PTPRN2: variants seen among roughly 807,000 people sequenced by gnomAD.
PTPRN2 encodes protein tyrosine phosphatase receptor type N2, also known as receptor-type tyrosine-protein phosphatase N2.
Under a neutral mutation model 118.8 loss-of-function variants are expected in PTPRN2, and 74 were observed. The ratio of observed to expected loss-of-function variants is 0.62; its 90% CI spans 0.52 to 0.76. The LOEUF (loss-of-function observed/expected upper bound fraction) is 0.76, where lower values mean the gene tolerates loss of function less well. Ranked by LOEUF, PTPRN2 falls within the 30% of genes least tolerant of loss-of-function variation. The probability of loss-of-function intolerance (pLI) is 0.00; values close to 1 mark genes in which losing one functional copy is unlikely to be tolerated. For missense variants in PTPRN2, 1,481 were observed against 1,394.4 expected, an observed-to-expected ratio of 1.06 and a Z score of -0.99; for synonymous variants, 641 against 608.0, an observed-to-expected ratio of 1.05 and a Z score of -0.80.
intron 16 of PTPRN2, among the ~76,000 whole-genome samples, chr7:157,601,908 T>A (rs1192713528): frequency 5.3e-5 from 8 of 152,240 alleles, no homozygotes. Context: ...TGTTGCCAAC[T>A]CTGCTGCACA....
At chr7:158,033,201 G>A (rs1807815894) in intron 11 of PTPRN2, among the ~76,000 whole-genome samples, 1 of 149,590 alleles carries the variant, frequency 6.7e-6, no homozygotes, top group African/African-American at 2.5e-5. Context: ...GTGCCTGGTG[G>A]TGGCCACCAA....
chr7:158,246,417 C>T (rs753639926), intron 3 of PTPRN2, among the ~76,000 whole-genome samples: 2 of 151,174 alleles, frequency 1.3e-5, no homozygotes, highest in African/African-American at 2.4e-5. Context: ...AGGAAGAAGA[C>T]GGCTCTCACT....
chr7:158,344,620 T>A (rs1169282011), intron 2 of PTPRN2, among the ~76,000 whole-genome samples: 1 of 151,902 alleles, frequency 6.6e-6, no homozygotes, highest in East Asian at 1.9e-4. Context: ...ATGAGTGAGA[T>A]GTAAAAATCA....
chr7:157,908,283 G>A (rs550752283), intron 11 of PTPRN2, among the ~76,000 whole-genome samples: 2 of 152,362 alleles, frequency 1.3e-5, no homozygotes, highest in African/African-American at 4.8e-5. Context: ...TCTGCCATGC[G>A]AGCCTTGAAA....
intron 11 of PTPRN2, among the ~76,000 whole-genome samples, chr7:157,909,444 C>T (rs903450952): frequency 2.0e-5 from 3 of 152,342 alleles, no homozygotes; most frequent in East Asian, 1.9e-4. Flanking sequence ...CAAAGCCCTG[C>T]GCTGGCGCAT....
At chr7:158,300,471 C>T (rs762932379) in intron 3 of PTPRN2, among the ~76,000 whole-genome samples, 21 of 152,210 alleles carry the variant, frequency 1.4e-4, no homozygotes, top group Non-Finnish European at 2.5e-4. Flanking sequence ...GATTTTATCT[C>T]CCAACCTATA....
intron 1 of PTPRN2, among the ~76,000 whole-genome samples, chr7:158,503,914 T>A (rs1822558441): frequency 6.6e-6 from 1 of 150,998 alleles, no homozygotes; most frequent in Non-Finnish European, 1.5e-5. Context: ...GGCAGGAGAA[T>A]CGCTTGAACC....
At chr7:158,484,510 G>A (rs1038200774) in intron 2 of PTPRN2, among the ~76,000 whole-genome samples, 4 of 152,090 alleles carry the variant, frequency 2.6e-5, no homozygotes, top group African/African-American at 9.7e-5. Flanking sequence ...TCACAGGCAC[G>A]CGCCACCACG....
intron 10 of PTPRN2, among the ~76,000 whole-genome samples, chr7:158,107,612 G>T (rs1815791106): frequency 6.6e-6 from 1 of 152,052 alleles, no homozygotes; most frequent in South Asian, 2.1e-4. Context: ...CCATGGGCAG[G>T]CATCACACTG....
chr7:157,668,115 C>T (rs1796234341), intron 13 of PTPRN2, among the ~76,000 whole-genome samples: 1 of 152,272 alleles, frequency 6.6e-6, no homozygotes, highest in African/African-American at 2.4e-5. Context: ...GCCGCCTGCT[C>T]CTCTGCTGTG....
intron 11 of PTPRN2, among the ~76,000 whole-genome samples, chr7:157,922,393 T>TCAGTCCTG (rs1201624433): frequency 6.6e-6 from 1 of 152,208 alleles, no homozygotes; most frequent in Non-Finnish European, 1.5e-5. Flanking sequence ...GGTCTGGGTC[T>TCAGTCCTG]CAGTCCTGCA....
intron 12 of PTPRN2, among the ~76,000 whole-genome samples, chr7:157,812,625 G>C (rs1490517489): frequency 2.0e-5 from 3 of 152,188 alleles, no homozygotes; most frequent in African/African-American, 7.2e-5. Context: ...CTGTAAGCGA[G>C]AGAGATGAAT....
intron 12 of PTPRN2, among the ~76,000 whole-genome samples, chr7:157,698,958 T>G (rs1401072080): frequency 6.6e-6 from 1 of 152,254 alleles, no homozygotes; most frequent in African/African-American, 2.4e-5. Flanking sequence ...TGAAAATGGC[T>G]AAATAGTGCC....
intron 11 of PTPRN2, among the ~76,000 whole-genome samples, chr7:158,072,012 G>T (rs562933106): frequency 6.0e-5 from 6 of 100,770 alleles, no homozygotes; most frequent in African/African-American, 2.0e-4. Context: ...GGTGCTCGTC[G>T]TATGGAGGTG....
intron 12 of PTPRN2, among the ~76,000 whole-genome samples, chr7:157,819,559 C>T (rs1321864848): frequency 6.7e-6 from 1 of 149,936 alleles, no homozygotes; most frequent in Non-Finnish European, 1.5e-5. Context: ...GCCCTCCCCG[C>T]CCCAAGCACA....
intron 12 of PTPRN2, among the ~76,000 whole-genome samples, chr7:157,777,902 G>A (rs1803429198): frequency 6.6e-6 from 1 of 150,838 alleles, no homozygotes; most frequent in Admixed American, 6.6e-5. Context: ...GAGGAAAATG[G>A]TTTAATCCAT....
At chr7:157,878,268 TGGAA>T (rs918122323) in intron 12 of PTPRN2, among the ~76,000 whole-genome samples, 1 of 152,216 alleles carries the variant, frequency 6.6e-6, no homozygotes, top group Non-Finnish European at 1.5e-5. Flanking sequence ...TTAAAGGGGC[TGGAA>T]GGGTCAGTGT....
rs377090263 is a variant in PTPRN2 at position 157,832,312 on chromosome 7, C to T, written c.1788+66361G>A. On this transcript the variant is annotated intron_variant, in intron 12 of 22. Transcript: ENST00000389418. ...TGCAAATTACCGTGTGCTGTGGCTG[C>T]GCTCACACATTGCCAAGTGGCTCCT... Among the ~76,000 whole-genome samples, 12 of 152,292 alleles carry T rather than the reference C, an allele frequency of 7.9e-5. No homozygotes were observed. In the East Asian group the frequency reaches 1.7e-3, roughly 22 times the overall value.
intron 12 of PTPRN2, among the ~76,000 whole-genome samples, chr7:157,848,429 T>C (rs1168642298): frequency 1.3e-5 from 2 of 152,052 alleles, no homozygotes. Context: ...CATTACATCA[T>C]GTGTGCCTGA....
Sources: allele counts gnomAD v4.1 joint callset (sites outside exome capture counted in the v4.1 genomes callset), GRCh38; gene constraint gnomAD v4.1.1; transcripts MANE v1.5; gene names NCBI Gene and HGNC (gene_info 2026-07-23, HGNC 2026-07-21).